The following STK33 variants were observed in gnomAD, a reference collection of about 807,000 sequenced individuals.
STK33 encodes serine/threonine kinase 33.
Under a neutral mutation model 58.0 loss-of-function variants are expected in STK33, and 52 were observed. That is an observed-to-expected ratio of 0.90 (90% CI 0.72 to 1.13). The LOEUF (loss-of-function observed/expected upper bound fraction) is 1.13, where lower values mean the gene tolerates loss of function less well. Among genes scored for constraint, STK33 ranks in the 50% most tolerant of loss-of-function variants. The pLI, the probability that STK33 is intolerant of heterozygous loss-of-function variation, is 0.00. For synonymous variants in STK33, 215 were observed against 200.1 expected (o/e 1.07, Z -0.63); for missense variants, 630 against 604.2 (o/e 1.04, Z -0.45).
chr11:8,569,425 G>A (rs1957655076), intron 1 of STK33, among the ~76,000 whole-genome samples: 1 of 152,160 alleles, frequency 6.6e-6, no homozygotes, highest in African/African-American at 2.4e-5. Flanking sequence ...AAAAGAAACT[G>A]AACTTCAACT....
chr11:8,508,375 C>T (rs1385918848), intron 1 of STK33, among the ~76,000 whole-genome samples: 1 of 146,630 alleles, frequency 6.8e-6, no homozygotes, highest in Non-Finnish European at 1.5e-5. Context: ...CTGAAGTGAT[C>T]CAACTACCTG....
chr11:8,463,981 T>C (rs1021288477), intron 7 of STK33, among the ~76,000 whole-genome samples: 1 of 152,230 alleles, frequency 6.6e-6, no homozygotes, highest in Non-Finnish European at 1.5e-5. Flanking sequence ...GTATGTAATT[T>C]GCTACAGTTT....
At chr11:8,397,761 G>A (rs748264923) in intron 15 of STK33, among the ~76,000 whole-genome samples, 7 of 152,170 alleles carry the variant, frequency 4.6e-5, no homozygotes, top group South Asian at 4.2e-4. Context: ...CACAGAAGTC[G>A]TTAAAGGACC....
chr11:8,531,361 A>C (rs1048108130), intron 1 of STK33, among the ~76,000 whole-genome samples: 2 of 152,228 alleles, frequency 1.3e-5, no homozygotes, highest in Admixed American at 1.3e-4. Flanking sequence ...ACTACCCTAA[A>C]ACTTAGTGGT....
intron 3 of STK33, 93 bp downstream of exon 3, chr11:8,477,157 C>CAA (rs1949355252): frequency 1.3e-5 from 2 of 151,656 alleles, no homozygotes; most frequent in Non-Finnish European, 2.9e-5. Flanking sequence ...CACACACACA[C>CAA]ACACACACAC....
chr11:8,440,643 C>T (rs374144691), intron 12 of STK33, 35 bp downstream of exon 12: 3 of 1,513,222 alleles, frequency 2.0e-6, no homozygotes, highest in African/African-American at 1.4e-5. Context: ...AAACTATCCA[C>T]TCATCTTAAA....
the STK33 span, among the ~76,000 whole-genome samples, chr11:8,344,566 C>T: frequency 6.6e-6 from 1 of 152,186 alleles, no homozygotes; most frequent in Non-Finnish European, 1.5e-5. Flanking sequence ...TGCTGAAGGT[C>T]ACACAGCTAG....
intron 14 of STK33, among the ~76,000 whole-genome samples, chr11:8,433,451 T>C (rs926504697): frequency 6.6e-6 from 1 of 152,238 alleles, no homozygotes; most frequent in Non-Finnish European, 1.5e-5. Context: ...TTCAGCCCAG[T>C]GGCTTTAAGT....
intron 14 of STK33, among the ~76,000 whole-genome samples, chr11:8,431,332 G>A (rs1943403784): frequency 1.3e-5 from 2 of 152,190 alleles, no homozygotes; most frequent in South Asian, 2.1e-4. Flanking sequence ...CAACAGTTAG[G>A]TATCAGAAAA....
chr11:8,437,716 ATAG>A (rs1246727763), intron 12 of STK33, among the ~76,000 whole-genome samples: 2 of 152,140 alleles, frequency 1.3e-5, no homozygotes, highest in African/African-American at 4.8e-5. Flanking sequence ...TGATTTTTTC[ATAG>A]TAATGATGAT....
chr11:8,430,930 G>C (rs370658245), intron 14 of STK33, among the ~76,000 whole-genome samples: 25 of 148,350 alleles, frequency 1.7e-4, no homozygotes, highest in African/African-American at 6.2e-4. Flanking sequence ...GCAGTGGTGC[G>C]ATCTTGGCTC....
chr11:8,571,217 C>T (rs1194510049), intron 1 of STK33, among the ~76,000 whole-genome samples: 2 of 152,106 alleles, frequency 1.3e-5, no homozygotes, highest in Non-Finnish European at 2.9e-5. Context: ...ACATGAGTCT[C>T]GGCTAAGAGC....
At chr11:8,454,872 A>C (rs1946664730) in intron 9 of STK33, 40 bp from the exon 10 acceptor site, 2 of 1,487,586 alleles carry the variant, frequency 1.3e-6, no homozygotes, top group East Asian at 4.9e-5. Context: ...GAAATGAATA[A>C]TGGAAAAATA....
Position 8,457,346 on chromosome 11 carries a change from T to C in STK33, c.692A>G (p.Asn231Ser), listed in dbSNP as rs199762165. Reference sequence around the variant, plus strand: ...CTGGATAACCCTCTTCTTACCATTATTGTGAAGATATGCTATAGCTGATGC... The same window carrying C: ...CTGGATAACCCTCTTCTTACCATTACTGTGAAGATATGCTATAGCTGATGC... ...SLASAIAYLH[N>S]NDIVHRDLKL... The change falls in exon 9 of 16, where the codon AAT becomes AGT. Residue 231 changes from asparagine to serine, a missense_variant. Asn to Ser is a conservative substitution (Grantham distance 46). Coordinates refer to ENST00000687296, the MANE Select transcript of STK33 (RefSeq NM_001352389.2). 7 of 1,577,494 alleles carry C rather than the reference T, an allele frequency of 4.4e-6. No individual in the cohort carries two copies. Among genetic ancestry groups the C allele is most frequent in the Non-Finnish European group, 6.1e-6 (7 of 1,154,172 alleles).
At chr11:8,437,179 A>C (rs565641279) in intron 12 of STK33, among the ~76,000 whole-genome samples, 1 of 152,308 alleles carries the variant, frequency 6.6e-6, no homozygotes, top group South Asian at 2.1e-4. Context: ...CATCAGTAAA[A>C]CCATGAGCAC....
chr11:8,560,020 T>C (rs1349594715), intron 1 of STK33, among the ~76,000 whole-genome samples: 1 of 152,178 alleles, frequency 6.6e-6, no homozygotes, highest in East Asian at 1.9e-4. Context: ...ATAAGCATTC[T>C]AAATTATTTA....
chr11:8,354,690 A>T, the STK33 span, among the ~76,000 whole-genome samples: 1 of 152,258 alleles, frequency 6.6e-6, no homozygotes, highest in South Asian at 2.1e-4. Flanking sequence ...CCTTCTGTTC[A>T]GATGGTTTCA....
At chr11:8,367,209 A>T in the STK33 span, among the ~76,000 whole-genome samples, 4 of 152,256 alleles carry the variant, frequency 2.6e-5, no homozygotes, top group Admixed American at 6.5e-5. Context: ...TGGAGGGCTT[A>T]TATCTGTGCG....
Position 8,392,241 on chromosome 11 carries a change from C to A in STK33, c.*269G>T, listed in dbSNP as rs572243447. On this transcript the variant is annotated 3_prime_UTR_variant, in exon 16 of 16. Transcript: ENST00000687296. ...CCTTAAATTGAAGGTATCTGCCCCC[C>A]TAAAAAACCTTCGTGTACATCTTGA... is the stretch of plus-strand genomic sequence containing the variant. The A allele has an allele frequency of 3.7e-5, 17 of 462,390 alleles. No homozygotes were observed. The Admixed American group carries it at 5.0e-4, about 14-fold the overall frequency. The allele number at this position is 462,390 out of a possible 1,614,324, so 28.6% of individuals were successfully genotyped here.
Sources: gnomAD v4.1 joint callset for allele counts (sites outside exome capture counted in the v4.1 genomes callset) on GRCh38, gnomAD v4.1.1 for gene constraint, MANE v1.5 for transcripts, NCBI Gene and HGNC (gene_info 2026-07-23, HGNC 2026-07-21) for gene names.